Variants in GRM7 observed in about 807,000 individuals in gnomAD.
GRM7 encodes the protein metabotropic glutamate receptor 7.
Under a neutral mutation model 84.5 loss-of-function variants are expected in GRM7, and 35 were observed. That is an observed-to-expected ratio of 0.41 (90% confidence interval 0.32 to 0.55). The LOEUF is 0.55. Ranked by LOEUF, GRM7 falls within the 20% of genes least tolerant of loss-of-function variation. The probability of loss-of-function intolerance (pLI) is 0.19; values close to 1 mark genes in which losing one functional copy is unlikely to be tolerated. For missense variants in GRM7, 1,003 were observed against 1,194.6 expected (o/e 0.84, Z 2.36); for synonymous variants, 487 against 455.1 (o/e 1.07, Z -0.89).
intron 2 of GRM7, among the ~76,000 whole-genome samples, chr3:7,189,574 G>T (rs1695637969): frequency 6.6e-6 from 1 of 151,944 alleles, no homozygotes; most frequent in Non-Finnish European, 1.5e-5. Context: ...ATATTTATGG[G>T]GCTTAGCAAC....
intron 4 of GRM7, among the ~76,000 whole-genome samples, chr3:7,318,398 A>C (rs1700657601): frequency 6.6e-6 from 1 of 152,082 alleles, no homozygotes; most frequent in South Asian, 2.1e-4. Flanking sequence ...GCAGTAAGAA[A>C]GTATTATTAG....
intron 4 of GRM7, among the ~76,000 whole-genome samples, chr3:7,388,030 T>C (rs1694852497): frequency 6.6e-6 from 1 of 152,130 alleles, no homozygotes; most frequent in Admixed American, 6.6e-5. Flanking sequence ...TATTCCTAGG[T>C]ATCTTATTGT....
At chr3:7,218,160 G>A (rs1015740559) in intron 2 of GRM7, among the ~76,000 whole-genome samples, 2 of 152,068 alleles carry the variant, frequency 1.3e-5, no homozygotes, top group African/African-American at 2.4e-5. Context: ...TCAATTGTTA[G>A]AAGTTCCATT....
chr3:7,295,301 T>C (rs898878168), intron 2 of GRM7, among the ~76,000 whole-genome samples: 7 of 152,146 alleles, frequency 4.6e-5, no homozygotes, highest in African/African-American at 1.7e-4. Context: ...CAGTTGACTG[T>C]ATTTGTGTTG....
intron 2 of GRM7, among the ~76,000 whole-genome samples, chr3:7,240,393 C>T (rs576729156): frequency 6.6e-6 from 1 of 151,412 alleles, no homozygotes; most frequent in East Asian, 1.9e-4. Flanking sequence ...ACCAAATAAA[C>T]ATGTCTATTG....
chr3:7,591,798 A>G lies in GRM7; in HGVS notation c.2451+12441A>G, dbSNP rs577079671. On this transcript the variant is annotated intron_variant, in intron 8 of 9. Coordinates refer to ENST00000357716, the MANE Select transcript of GRM7 (RefSeq NM_000844.4). ...CAGCAAACTCTAAATAGGGACTGAT[A>G]TCATCCCCATTTACAGAGTAGAAAA... 7.1e-4 allele frequency among the ~76,000 whole-genome samples: 108 copies of G among 152,314 alleles called. 1 individual carries two copies. The highest frequency in any genetic ancestry group is 2.6e-3 in the African/African-American group (106 of 41,566).
chr3:7,158,499 A>G (rs1384771237), intron 2 of GRM7, among the ~76,000 whole-genome samples: 1 of 151,434 alleles, frequency 6.6e-6, no homozygotes, highest in Non-Finnish European at 1.5e-5. Context: ...TCCCCACCCT[A>G]CTCCATGTAG....
At chr3:7,009,647 G>A (rs75063419) in intron 1 of GRM7, among the ~76,000 whole-genome samples, 1,748 of 152,314 alleles carry the variant, frequency 0.011, 43 homozygotes, top group African/African-American at 0.04. Flanking sequence ...GAGGGAGGAA[G>A]GTTGTTAAGG....
At chr3:7,069,584 A>T (rs1462182080) in intron 1 of GRM7, among the ~76,000 whole-genome samples, 1 of 152,122 alleles carries the variant, frequency 6.6e-6, no homozygotes, top group African/African-American at 2.4e-5. Flanking sequence ...GTAAAGAGAT[A>T]GTTTTTCTTC....
chr3:6,977,241 T>A (rs1694034578), intron 1 of GRM7, among the ~76,000 whole-genome samples: 1 of 152,128 alleles, frequency 6.6e-6, no homozygotes, highest in Non-Finnish European at 1.5e-5. Flanking sequence ...TTAGATGTTA[T>A]CTTCACCAAA....
chr3:7,345,883 T>C (rs9860314), intron 4 of GRM7, among the ~76,000 whole-genome samples: 57,623 of 151,726 alleles, frequency 0.38, 11,123 homozygotes, highest in South Asian at 0.45. Context: ...AATGTGGATG[T>C]AGTAACGTAA....
At position 7,061,485 on chromosome 3, in the gene GRM7, C is replaced by T. The variant is rs149562299; in HGVS notation, c.520-84967C>T. On this transcript the variant is annotated intron_variant, in intron 1 of 9. Coordinates refer to ENST00000357716, the MANE Select transcript of GRM7 (RefSeq NM_000844.4). ...CCATGGTAGTAAGCTGGTGTTCAAA[C>T]CCGGAGTTGACTGTTTGTAGCCATT... is the stretch of plus-strand genomic sequence containing the variant. Among the ~76,000 whole-genome samples the T allele has an allele frequency of 2.4e-3, 357 of 151,788 alleles. 2 individuals are homozygous for T. Among genetic ancestry groups the T allele is most frequent in the Non-Finnish European group, 4.5e-3 (302 of 67,820 alleles).
At chr3:7,698,568 T>C (rs1161172480) in intron 9 of GRM7, among the ~76,000 whole-genome samples, 5 of 152,172 alleles carry the variant, frequency 3.3e-5, no homozygotes, top group Non-Finnish European at 7.3e-5. Context: ...GGTAGGTAAA[T>C]ACATGGTGTG....
At chr3:6,944,997 T>A (rs919701724) in intron 1 of GRM7, among the ~76,000 whole-genome samples, 15 of 152,190 alleles carry the variant, frequency 9.9e-5, no homozygotes, top group Admixed American at 4.6e-4. Context: ...CTCTCATTTC[T>A]GATACTGGTA....
chr3:7,394,701 A>T (rs535800051), intron 4 of GRM7, among the ~76,000 whole-genome samples: 21 of 152,078 alleles, frequency 1.4e-4, no homozygotes, highest in Admixed American at 3.3e-4. Flanking sequence ...GTATTGTCTT[A>T]TTCATAGTAT....
At chr3:6,881,722 C>T (rs905991108) in intron 1 of GRM7, among the ~76,000 whole-genome samples, 1 of 152,016 alleles carries the variant, frequency 6.6e-6, no homozygotes, top group Non-Finnish European at 1.5e-5. Context: ...AAATGCAAAT[C>T]AAATATACAT....
intron 4 of GRM7, among the ~76,000 whole-genome samples, chr3:7,335,922 A>G (rs1037693988): frequency 2.0e-5 from 3 of 151,888 alleles, no homozygotes; most frequent in Non-Finnish European, 4.4e-5. Context: ...AAAAATTGCC[A>G]AAAAAAGGTC....
At chr3:7,433,077 A>G (rs73810649) in intron 5 of GRM7, among the ~76,000 whole-genome samples, 4,679 of 152,204 alleles carry the variant, frequency 0.031, 253 homozygotes, top group African/African-American at 0.11. Flanking sequence ...GAAGGAAGAA[A>G]CCTTCTATGG....
At chr3:7,004,123 A>C (rs1003075469) in intron 1 of GRM7, among the ~76,000 whole-genome samples, 9 of 152,166 alleles carry the variant, frequency 5.9e-5, no homozygotes, top group African/African-American at 2.2e-4. Flanking sequence ...TTAATTATCT[A>C]ACCTGATAAG....
Sources: allele counts gnomAD v4.1 joint callset (sites outside exome capture counted in the v4.1 genomes callset), GRCh38; gene constraint gnomAD v4.1.1; transcripts MANE v1.5; gene names NCBI Gene and HGNC (gene_info 2026-07-23, HGNC 2026-07-21).